Variants in PDZRN3 observed in about 807,000 individuals in gnomAD.
The protein encoded by PDZRN3 is E3 ubiquitin-protein ligase PDZRN3.
In PDZRN3, 38 loss-of-function variants were observed where a neutral mutation model predicts 85.7. That is an observed-to-expected ratio of 0.44 (90% CI 0.34 to 0.58). PDZRN3 has a LOEUF of 0.58. Ranked by LOEUF, PDZRN3 falls within the 20% of genes least tolerant of loss-of-function variation. The pLI, the probability that PDZRN3 is intolerant of heterozygous loss-of-function variation, is 0.01. For synonymous variants in PDZRN3, 759 were observed against 638.0 expected (o/e 1.19, Z -2.86); for missense variants, 1,629 against 1,506.4 (o/e 1.08, Z -1.35).
chr3:73,552,091 T>G (rs1231938446), intron 3 of PDZRN3, among the ~76,000 whole-genome samples: 1 of 152,088 alleles, frequency 6.6e-6, no homozygotes, highest in Admixed American at 6.5e-5. Context: ...AGCGAAACAC[T>G]CCAATCACCT....
At position 73,598,056 on chromosome 3, in the gene PDZRN3, C is replaced by T. The variant is rs149928676; in HGVS notation, c.918+4298G>A. Among the ~76,000 whole-genome samples the T allele has an allele frequency of 3.7e-3, 563 of 152,136 alleles. 6 individuals are homozygous for T. Among genetic ancestry groups the T allele is most frequent in the African/African-American group, 0.013 (537 of 41,512 alleles). On this transcript the variant is annotated intron_variant, in intron 3 of 9. Transcript: ENST00000263666. ...ATGTGATTTTTCACATTTTTGCCTT[C>T]TCCTAAATAACTTTCAGTAGAGTAA...
At chr3:73,396,802 G>A (rs1701646818) in intron 5 of PDZRN3, among the ~76,000 whole-genome samples, 1 of 152,130 alleles carries the variant, frequency 6.6e-6, no homozygotes, top group African/African-American at 2.4e-5. Context: ...AGCCTTCTTT[G>A]GGCATGTATT....
In PDZRN3 at chr3:73,588,336, A is replaced by G. The variant is rs536429549; in HGVS notation, c.918+14018T>C. 2.0e-5 allele frequency among the ~76,000 whole-genome samples: 3 copies of G among 152,292 alleles called. No individual in the cohort carries two copies. The South Asian group carries it at 6.2e-4, about 32-fold the overall frequency. On this transcript the variant is annotated intron_variant, in intron 3 of 9. Transcript: ENST00000263666. Reference sequence around the variant, plus strand: ...ATTTTCTTTGTCCAGGCTATCGTTGATGGGCATTTGGGTTGGTTCCACATC... The same window carrying G: ...ATTTTCTTTGTCCAGGCTATCGTTGGTGGGCATTTGGGTTGGTTCCACATC...
At chr3:73,540,989 G>A (rs1371433191) in intron 3 of PDZRN3, among the ~76,000 whole-genome samples, 1 of 152,092 alleles carries the variant, frequency 6.6e-6, no homozygotes, top group African/African-American at 2.4e-5. Flanking sequence ...AATGACAAAG[G>A]GAATCAAACT....
chr3:73,615,162 A>T (rs548824355), intron 1 of PDZRN3, among the ~76,000 whole-genome samples: 2 of 152,314 alleles, frequency 1.3e-5, no homozygotes, highest in African/African-American at 4.8e-5. Flanking sequence ...GCCAAACGAG[A>T]TATTTTTGAA....
chr3:73,401,056 A>G, intron 4 of PDZRN3, 47 bp from the exon 5 acceptor site: 1 of 1,413,966 alleles, frequency 7.1e-7, no homozygotes, highest in East Asian at 2.3e-5. Flanking sequence ...CGTTGTCAGT[A>G]TCTGTTTTTC....
chr3:73,510,036 G>A (rs746340141), intron 3 of PDZRN3, among the ~76,000 whole-genome samples: 5 of 152,202 alleles, frequency 3.3e-5, no homozygotes, highest in Non-Finnish European at 5.9e-5. Flanking sequence ...TACACTGGAG[G>A]TTGGGGGTGG....
At chr3:73,445,500 C>T (rs142761743) in intron 3 of PDZRN3, among the ~76,000 whole-genome samples, 69 of 152,330 alleles carry the variant, frequency 4.5e-4, no homozygotes, top group African/African-American at 1.6e-3. Flanking sequence ...ATAATTCACT[C>T]GTACCTATAA....
chr3:73,475,993 T>G (rs531860100), intron 3 of PDZRN3, among the ~76,000 whole-genome samples: 2 of 152,272 alleles, frequency 1.3e-5, no homozygotes, highest in South Asian at 4.1e-4. Flanking sequence ...TTCAGGCAAG[T>G]TTTCCTAAGC....
chr3:73,593,670 T>G (rs764583515), intron 3 of PDZRN3, among the ~76,000 whole-genome samples: 38 of 151,084 alleles, frequency 2.5e-4, no homozygotes, highest in Non-Finnish European at 5.4e-4. Flanking sequence ...ACTTTTAAAT[T>G]ACCAAGTTTT....
At position 73,420,794 on chromosome 3, in the gene PDZRN3, C is replaced by A. The variant is rs534392618; in HGVS notation, c.919-16399G>T. Among the ~76,000 whole-genome samples, 24 of 152,290 alleles carry A rather than the reference C, an allele frequency of 1.6e-4. No individual in the cohort carries two copies. In the East Asian group the frequency reaches 3.5e-3, roughly 22 times the overall value. On this transcript the variant is annotated intron_variant, in intron 3 of 9. Coordinates refer to ENST00000263666, the MANE Select transcript of PDZRN3 (RefSeq NM_015009.3). ...CTATTAGACAATAGAGTCATCTCCC[C>A]ATATCCATGAGATATTGGCTCCAGT...
chr3:73,564,768 C>CT (rs1701907872), intron 3 of PDZRN3, among the ~76,000 whole-genome samples: 1 of 152,206 alleles, frequency 6.6e-6, no homozygotes, highest in Non-Finnish European at 1.5e-5. Context: ...AATGCTAACT[C>CT]TGCCACTTCC....
At chr3:73,413,975 G>A (rs770444884) in intron 3 of PDZRN3, among the ~76,000 whole-genome samples, 4 of 152,116 alleles carry the variant, frequency 2.6e-5, no homozygotes, top group African/African-American at 7.2e-5. Context: ...CTAACCTACC[G>A]GAAATTGATT....
intron 3 of PDZRN3, among the ~76,000 whole-genome samples, chr3:73,601,761 G>A (rs1224172576): frequency 6.6e-6 from 1 of 152,164 alleles, no homozygotes; most frequent in Non-Finnish European, 1.5e-5. Context: ...CAAACCTGCT[G>A]TATAAAAGTT....
chr3:73,492,006 T>C (rs1703779809), intron 3 of PDZRN3, among the ~76,000 whole-genome samples: 5 of 152,066 alleles, frequency 3.3e-5, no homozygotes, highest in Admixed American at 2.6e-4. Context: ...ATGTGCTTCT[T>C]CACACCCCAC....
chr3:73,578,294 G>A (rs1391696804), intron 3 of PDZRN3, among the ~76,000 whole-genome samples: 5 of 151,220 alleles, frequency 3.3e-5, no homozygotes, highest in African/African-American at 4.9e-5. Flanking sequence ...CTCAGCCTCC[G>A]AGTAGCTGGG....
intron 3 of PDZRN3, among the ~76,000 whole-genome samples, chr3:73,593,221 G>C (rs1003685390): frequency 1.3e-4 from 20 of 152,060 alleles, no homozygotes; most frequent in African/African-American, 3.6e-4. Flanking sequence ...AGAATTTGTT[G>C]TTTTGTTTTA....
At chr3:73,613,998 C>T (rs1455095285) in intron 1 of PDZRN3, among the ~76,000 whole-genome samples, 15 of 152,100 alleles carry the variant, frequency 9.9e-5, no homozygotes, top group Non-Finnish European at 2.2e-4. Flanking sequence ...CATGAACCAT[C>T]CAAAGTGCCT....
Position 73,602,335 on chromosome 3 carries a change from C to G in PDZRN3, c.918+19G>C. 1 of 1,301,326 alleles carries G rather than the reference C, an allele frequency of 7.7e-7. No homozygotes were observed. The highest frequency in any genetic ancestry group is 1.1e-6 in the Non-Finnish European group (1 of 896,432). The allele number at this position is 1,301,326 out of a possible 1,614,324, so 80.6% of individuals were successfully genotyped here. A position where few individuals can be genotyped will look rare whatever the true frequency, so the allele number is the denominator to read the frequency against. On this transcript the variant is annotated intron_variant, in intron 3 of 9. Transcript: ENST00000263666. ...ATGGCATTCAGCCTATTCAAAGACA[C>G]TGGCCAGTATTCACATACCTCAATA...
Sources: allele counts gnomAD v4.1 joint callset (sites outside exome capture counted in the v4.1 genomes callset), GRCh38; gene constraint gnomAD v4.1.1; transcripts MANE v1.5; gene names NCBI Gene and HGNC (gene_info 2026-07-23, HGNC 2026-07-21).